PTPRD: variants seen among roughly 807,000 people sequenced by gnomAD.
PTPRD encodes the protein protein tyrosine phosphatase receptor type D.
PTPRD carries 34 observed loss-of-function variants against 214.5 expected under a neutral mutation model. That is an observed-to-expected ratio of 0.16 (90% CI 0.12 to 0.21). The LOEUF (loss-of-function observed/expected upper bound fraction) is 0.21. Ranked by LOEUF, PTPRD falls within the 10% of genes least tolerant of loss-of-function variation. PTPRD has a pLI of 1.00. For missense variants in PTPRD, 2,545 were observed against 2,398.7 expected (o/e 1.06, Z -1.27); for synonymous variants, 1,128 against 845.7 (o/e 1.33, Z -5.79).
At chr9:9,635,317 A>T (rs190948347) in intron 7 of PTPRD, among the ~76,000 whole-genome samples, 158 of 152,356 alleles carry the variant, frequency 1.0e-3, no homozygotes, top group African/African-American at 3.7e-3. Flanking sequence ...AGAGTCTGCT[A>T]AATGATTAAA....
intron 8 of PTPRD, among the ~76,000 whole-genome samples, chr9:9,542,027 A>G (rs2077696767): frequency 6.6e-6 from 1 of 151,800 alleles, no homozygotes; most frequent in Admixed American, 6.6e-5. Flanking sequence ...AAAAGAGACA[A>G]CACAGTAGAG....
chr9:9,243,013 G>T (rs1472382232), intron 9 of PTPRD, among the ~76,000 whole-genome samples: 2 of 152,072 alleles, frequency 1.3e-5, no homozygotes, highest in Non-Finnish European at 2.9e-5. Flanking sequence ...GTACAGATGG[G>T]GTTTTGGTGT....
At chr9:8,620,010 GCA>G (rs2095761778) in intron 14 of PTPRD, among the ~76,000 whole-genome samples, 2 of 151,970 alleles carry the variant, frequency 1.3e-5, no homozygotes, top group South Asian at 4.2e-4. Context: ...TCCAGACACT[GCA>G]CACAGACCCC....
At chr9:9,979,086 TA>T (rs1413537842) in intron 4 of PTPRD, among the ~76,000 whole-genome samples, 4 of 151,994 alleles carry the variant, frequency 2.6e-5, no homozygotes, top group Non-Finnish European at 5.9e-5. Context: ...CAGACAAAAC[TA>T]AAGCTGATTT....
chr9:8,798,943 C>T (rs1001927384), intron 11 of PTPRD, among the ~76,000 whole-genome samples: 1 of 151,996 alleles, frequency 6.6e-6, no homozygotes, highest in Admixed American at 6.6e-5. Flanking sequence ...ACATGTAAAG[C>T]CTGAATGCAT....
chr9:9,141,752 C>T (rs895921772), intron 10 of PTPRD, among the ~76,000 whole-genome samples: 1 of 150,420 alleles, frequency 6.6e-6, no homozygotes, highest in Non-Finnish European at 1.5e-5. Flanking sequence ...TATATATTAT[C>T]TCATGCATAT....
intron 7 of PTPRD, among the ~76,000 whole-genome samples, chr9:9,663,100 G>A (rs1015709695): frequency 6.6e-6 from 1 of 151,440 alleles, no homozygotes; most frequent in East Asian, 1.9e-4. Context: ...AAGCTGTTAT[G>A]TGTGTGTTTA....
chr9:9,860,978 A>C (rs2062622153), intron 5 of PTPRD, among the ~76,000 whole-genome samples: 1 of 152,262 alleles, frequency 6.6e-6, no homozygotes, highest in Non-Finnish European at 1.5e-5. Context: ...ATTATTAAAA[A>C]ATAACAGAAC....
chr9:10,590,851 G>T (rs1271515814), intron 2 of PTPRD, among the ~76,000 whole-genome samples: 1 of 151,022 alleles, frequency 6.6e-6, no homozygotes, highest in East Asian at 1.9e-4. Flanking sequence ...TAGCCTGGAG[G>T]CAAATGTTAT....
At chr9:9,949,629 G>A (rs761893973) in intron 4 of PTPRD, among the ~76,000 whole-genome samples, 5 of 152,056 alleles carry the variant, frequency 3.3e-5, no homozygotes, top group East Asian at 1.9e-4. Flanking sequence ...GTCCTACTAC[G>A]GAGTAGGCAT....
intron 11 of PTPRD, among the ~76,000 whole-genome samples, chr9:9,009,201 T>C (rs2099496960): frequency 6.6e-6 from 1 of 152,138 alleles, no homozygotes; most frequent in Admixed American, 6.6e-5. Context: ...ACAATGCACT[T>C]TATATACACA....
chr9:9,676,385 T>C (rs2096930657), intron 7 of PTPRD, among the ~76,000 whole-genome samples: 1 of 151,526 alleles, frequency 6.6e-6, no homozygotes, highest in Non-Finnish European at 1.5e-5. Context: ...TGTTTGGTTT[T>C]TTGTCCTTGT....
At chr9:10,168,416 G>T (rs1169967089) in intron 3 of PTPRD, among the ~76,000 whole-genome samples, 1 of 152,160 alleles carries the variant, frequency 6.6e-6, no homozygotes, top group East Asian at 1.9e-4. Flanking sequence ...GCAGCACAAT[G>T]ATGTTTTCAC....
intron 4 of PTPRD, among the ~76,000 whole-genome samples, chr9:10,027,668 G>A (rs140323768): frequency 2.6e-5 from 4 of 151,994 alleles, no homozygotes; most frequent in Non-Finnish European, 5.9e-5. Flanking sequence ...CATTGAACTT[G>A]TCATGGTTAT....
At chr9:9,329,865 A>G (rs1232131596) in intron 9 of PTPRD, among the ~76,000 whole-genome samples, 1 of 152,196 alleles carries the variant, frequency 6.6e-6, no homozygotes, top group Non-Finnish European at 1.5e-5. Context: ...GAACACAATC[A>G]TTCATGTTCT....
At chr9:9,566,283 G>A (rs544533883) in intron 8 of PTPRD, among the ~76,000 whole-genome samples, 2 of 151,916 alleles carry the variant, frequency 1.3e-5, no homozygotes, top group Admixed American at 1.3e-4. Context: ...ATGTTGATCT[G>A]TCAAAAACTG....
intron 3 of PTPRD, among the ~76,000 whole-genome samples, chr9:10,177,048 T>C (rs150201540): frequency 1.3e-3 from 192 of 152,050 alleles, no homozygotes; most frequent in African/African-American, 4.5e-3. Context: ...GTACATGGGA[T>C]ATAATAAGAT....
At chr9:8,341,639 G>C (rs933154854) in intron 40 of PTPRD, 54 bp downstream of exon 40, 2 of 1,586,856 alleles carry the variant, frequency 1.3e-6, no homozygotes, top group African/African-American at 2.7e-5. Flanking sequence ...ACGACTCAAA[G>C]ACAAACCCAG....
intron 11 of PTPRD, among the ~76,000 whole-genome samples, chr9:8,857,132 C>T (rs1047415049): frequency 1.3e-5 from 2 of 152,204 alleles, no homozygotes; most frequent in East Asian, 3.9e-4. Flanking sequence ...TCCTCTATGG[C>T]AGCTGCGTAG....
Sources: allele counts gnomAD v4.1 joint callset (sites outside exome capture counted in the v4.1 genomes callset), GRCh38; gene constraint gnomAD v4.1.1; transcripts MANE v1.5; gene names NCBI Gene and HGNC (gene_info 2026-07-23, HGNC 2026-07-21).